VTI1A: variants seen among roughly 807,000 people sequenced by gnomAD.
VTI1A encodes vesicle transport through interaction with t-SNAREs 1A.
VTI1A carries 22 observed loss-of-function variants against 34.9 expected under a neutral mutation model. That is an observed-to-expected ratio of 0.63 (90% CI 0.45 to 0.90). The LOEUF (loss-of-function observed/expected upper bound fraction) is 0.90, where lower values mean the gene tolerates loss of function less well. Ranked by LOEUF, VTI1A falls within the 40% of genes least tolerant of loss-of-function variation. The pLI is 0.00. For missense variants in VTI1A, 268 were observed against 275.6 expected (o/e 0.97, Z 0.20); for synonymous variants, 87 against 97.3 (o/e 0.89, Z 0.62).
chr10:112,809,038 T>C (rs958543405), intron 7 of VTI1A, among the ~76,000 whole-genome samples: 1 of 152,220 alleles, frequency 6.6e-6, no homozygotes, highest in Non-Finnish European at 1.5e-5. Context: ...TGTCATTGGC[T>C]GGGCCTGCCT....
At chr10:112,618,258 A>G (rs2134549339) in intron 5 of VTI1A, among the ~76,000 whole-genome samples, 1 of 151,888 alleles carries the variant, frequency 6.6e-6, no homozygotes, top group East Asian at 1.9e-4. Context: ...CAATATGGCA[A>G]TAATAGTAGT....
At chr10:112,674,226 G>A (rs1023268772) in intron 7 of VTI1A, among the ~76,000 whole-genome samples, 1 of 152,208 alleles carries the variant, frequency 6.6e-6, no homozygotes, top group East Asian at 1.9e-4. Flanking sequence ...CCTGAAATTA[G>A]TGTAGCAAAA....
At chr10:112,534,704 G>A (rs1850561087) in intron 4 of VTI1A, among the ~76,000 whole-genome samples, 2 of 152,124 alleles carry the variant, frequency 1.3e-5, no homozygotes, top group South Asian at 4.1e-4. Flanking sequence ...CTTCCCTACA[G>A]GGGAGCAGTT....
At chr10:112,452,526 C>T (rs1847276127) in intron 1 of VTI1A, among the ~76,000 whole-genome samples, 1 of 150,108 alleles carries the variant, frequency 6.7e-6, no homozygotes, top group Admixed American at 6.6e-5. Context: ...CAAGATTGCG[C>T]CACTGCACTC....
chr10:112,829,824 A>G, the VTI1A span, among the ~76,000 whole-genome samples: 1 of 152,352 alleles, frequency 6.6e-6, no homozygotes, highest in South Asian at 2.1e-4. Context: ...TGCTGTGATG[A>G]GATGCTTTTA....
chr10:112,844,681 G>C, the VTI1A span, among the ~76,000 whole-genome samples: 2 of 152,204 alleles, frequency 1.3e-5, no homozygotes, highest in Admixed American at 1.3e-4. Context: ...TTACAGGCGT[G>C]AGCCACCACG....
chr10:112,727,280 G>A (rs1156451037), intron 7 of VTI1A, among the ~76,000 whole-genome samples: 2 of 152,142 alleles, frequency 1.3e-5, no homozygotes, highest in African/African-American at 4.8e-5. Context: ...GTTTTAGCCT[G>A]TCTTTCTCCA....
intron 6 of VTI1A, 114 bp downstream of exon 6, chr10:112,668,402 G>C: frequency 8.8e-7 from 1 of 1,131,314 alleles, no homozygotes; most frequent in Non-Finnish European, 1.3e-6. Flanking sequence ...AGGTGAAAGA[G>C]GGTATAAGGT....
At chr10:112,842,050 C>CTTTTTTTTTTTTTTTTTTTTTTT in the VTI1A span, among the ~76,000 whole-genome samples, 2 of 93,166 alleles carry the variant, frequency 2.1e-5, no homozygotes, top group African/African-American at 9.6e-5. Context: ...TTTTTTTTTT[C>CTTTTTTTTTTTTTTTTTTTTTTT]CTTTTTTTTT....
At chr10:112,511,614 G>C (rs1040057246) in intron 3 of VTI1A, among the ~76,000 whole-genome samples, 5 of 152,092 alleles carry the variant, frequency 3.3e-5, no homozygotes, top group African/African-American at 1.2e-4. Flanking sequence ...TACCACCCAA[G>C]TTAAGTATAT....
chr10:112,667,568 T>C (rs1847687546), intron 5 of VTI1A, among the ~76,000 whole-genome samples: 1 of 152,162 alleles, frequency 6.6e-6, no homozygotes, highest in African/African-American at 2.4e-5. Flanking sequence ...GGTTTCAAAG[T>C]TCTGGGGTGA....
At chr10:112,600,718 G>C (rs1844846473) in intron 5 of VTI1A, among the ~76,000 whole-genome samples, 1 of 152,168 alleles carries the variant, frequency 6.6e-6, no homozygotes, top group Non-Finnish European at 1.5e-5. Context: ...TGTCTCTGCT[G>C]TGTCTCTAGC....
chr10:112,781,784 G>A (rs1852135299), intron 7 of VTI1A, among the ~76,000 whole-genome samples: 1 of 152,106 alleles, frequency 6.6e-6, no homozygotes, highest in African/African-American at 2.4e-5. Flanking sequence ...GAACCCAGGA[G>A]GCGGAGCTTG....
At chr10:112,651,460 A>G (rs939357820) in intron 5 of VTI1A, among the ~76,000 whole-genome samples, 7 of 152,016 alleles carry the variant, frequency 4.6e-5, no homozygotes, top group African/African-American at 1.4e-4. Context: ...ACAGGCATGC[A>G]CCACCACACC....
chr10:112,762,538 A>G (rs1378238098), intron 7 of VTI1A, among the ~76,000 whole-genome samples: 1 of 152,178 alleles, frequency 6.6e-6, no homozygotes, highest in Non-Finnish European at 1.5e-5. Context: ...AGTTTCTGCA[A>G]GTATATTTGG....
chr10:112,519,094 A>G (rs1207242885), intron 3 of VTI1A, among the ~76,000 whole-genome samples: 1 of 152,128 alleles, frequency 6.6e-6, no homozygotes, highest in South Asian at 2.1e-4. Context: ...ATAACACAGC[A>G]TAGTCTATAA....
rs1853585540 is a variant in VTI1A at position 112,818,452 on chromosome 10, C to T, written c.*3069C>T. On this transcript the variant is annotated 3_prime_UTR_variant, in exon 8 of 8. Transcript: ENST00000393077. Reference sequence around the variant, plus strand: ...ACTGTCTTTCTCTCCCTCTCTTTCTCCTTTTTTTTTGCACATCTTTTCTTT... The same window carrying T: ...ACTGTCTTTCTCTCCCTCTCTTTCTTCTTTTTTTTTGCACATCTTTTCTTT... 4.3e-6 allele frequency: 1 copy of T among 231,256 alleles called. No individual in the cohort carries two copies. The allele number at this position is 231,256 out of a possible 1,614,324, so 14.3% of individuals were successfully genotyped here.
At chr10:112,745,439 C>A (rs1850861709) in intron 7 of VTI1A, among the ~76,000 whole-genome samples, 1 of 152,098 alleles carries the variant, frequency 6.6e-6, no homozygotes. Flanking sequence ...CACGTACCTC[C>A]AGTGTCGAGT....
chr10:112,743,472 C>T (rs920780931), intron 7 of VTI1A, among the ~76,000 whole-genome samples: 2 of 152,316 alleles, frequency 1.3e-5, no homozygotes, highest in African/African-American at 2.4e-5. Context: ...GCTAGTCCCT[C>T]CTGCAGTGTG....
Sources: allele counts gnomAD v4.1 joint callset (sites outside exome capture counted in the v4.1 genomes callset), GRCh38; gene constraint gnomAD v4.1.1; transcripts MANE v1.5; gene names NCBI Gene and HGNC (gene_info 2026-07-23, HGNC 2026-07-21).